The following RELCH variants were observed in gnomAD, a reference collection of about 807,000 sequenced individuals.
RELCH encodes the protein RAB11-binding protein RELCH.
RELCH carries 41 observed loss-of-function variants against 150.3 expected under a neutral mutation model. The ratio of observed to expected loss-of-function variants is 0.27; its 90% confidence interval spans 0.21 to 0.35. The LOEUF (loss-of-function observed/expected upper bound fraction) is 0.35, where lower values mean the gene tolerates loss of function less well. Among genes scored for constraint, RELCH ranks in the 10% least tolerant of loss-of-function variants. The pLI is 1.00. For synonymous variants in RELCH, 478 were observed against 531.8 expected (o/e 0.90, Z 1.39); for missense variants, 1,092 against 1,467.8 (o/e 0.74, Z 4.18).
At chr18:62,196,747 C>A (rs1420357478) in intron 1 of RELCH, among the ~76,000 whole-genome samples, 1 of 152,146 alleles carries the variant, frequency 6.6e-6, no homozygotes, top group African/African-American at 2.4e-5. Flanking sequence ...AGTATTTTTA[C>A]ATCGATATAT....
intron 11 of RELCH, among the ~76,000 whole-genome samples, chr18:62,249,134 T>C (rs568190330): frequency 3.3e-5 from 5 of 152,346 alleles, no homozygotes; most frequent in Admixed American, 3.3e-4. Flanking sequence ...TTTGTAGCTT[T>C]ATGTAATTTC....
intron 5 of RELCH, among the ~76,000 whole-genome samples, chr18:62,222,017 A>T (rs1053455381): frequency 3.9e-5 from 6 of 151,958 alleles, no homozygotes; most frequent in African/African-American, 1.4e-4. Context: ...AGCAAAAAAG[A>T]TGTCTTATTT....
intron 21 of RELCH, among the ~76,000 whole-genome samples, 171 bp downstream of exon 21, chr18:62,274,257 G>A (rs2044071018): frequency 6.6e-6 from 1 of 152,062 alleles, no homozygotes; most frequent in Non-Finnish European, 1.5e-5. Flanking sequence ...TTGCTTATTT[G>A]TTCATTCTTA....
At chr18:62,229,732 C>T (rs17062586) in intron 8 of RELCH, among the ~76,000 whole-genome samples, 15,537 of 152,048 alleles carry the variant, frequency 0.1, 938 homozygotes, top group East Asian at 0.19. Flanking sequence ...TCATCCAAGA[C>T]TTGAAGACTA....
rs181558653 is a variant in RELCH at position 62,284,545 on chromosome 18, C to T, written c.3253+2101C>T. On this transcript the variant is annotated intron_variant, in intron 25 of 28. Coordinates refer to ENST00000644646, the MANE Select transcript of RELCH (RefSeq NM_001346231.2). ...TTGTACTTACTTCCCAGTCAAGTGG[C>T]TTCTCTTTTGCTTTAGAACTTACCC... is the stretch of plus-strand genomic sequence containing the variant. Among the ~76,000 whole-genome samples, 3 of 152,212 alleles carry T rather than the reference C, an allele frequency of 2.0e-5. No homozygotes were observed. The East Asian group carries it at 5.8e-4, about 29-fold the overall frequency.
intron 26 of RELCH, among the ~76,000 whole-genome samples, chr18:62,289,258 A>C (rs1288189225): frequency 4.6e-5 from 7 of 152,232 alleles, no homozygotes; most frequent in African/African-American, 1.7e-4. Flanking sequence ...TTAGTTCTAC[A>C]TGAGTCAGAA....
intron 13 of RELCH, among the ~76,000 whole-genome samples, chr18:62,257,697 A>C (rs769146456): frequency 2.0e-5 from 3 of 152,022 alleles, no homozygotes; most frequent in Non-Finnish European, 4.4e-5. Context: ...AATTCAAAGT[A>C]GATATTACTG....
At chr18:62,291,739 T>C in intron 27 of RELCH, 108 bp downstream of exon 27, 3 of 679,180 alleles carry the variant, frequency 4.4e-6, no homozygotes, top group Non-Finnish European at 7.5e-6. Context: ...TTTTTAAATC[T>C]AGCTCAATGT....
chr18:62,262,807 CAACT>C (rs1183313796), intron 16 of RELCH, among the ~76,000 whole-genome samples: 1 of 151,920 alleles, frequency 6.6e-6, no homozygotes, highest in Non-Finnish European at 1.5e-5. Context: ...AAAGGACCAC[CAACT>C]GAGTGGCTTA....
intron 1 of RELCH, among the ~76,000 whole-genome samples, chr18:62,193,685 A>G (rs2038814288): frequency 6.6e-6 from 1 of 152,170 alleles, no homozygotes; most frequent in Non-Finnish European, 1.5e-5. Context: ...GTGTATGTTG[A>G]ACCAATCTTG....
chr18:62,190,809 A>ACCAGAT (rs1948395059), intron 1 of RELCH, among the ~76,000 whole-genome samples: 1 of 151,906 alleles, frequency 6.6e-6, no homozygotes, highest in African/African-American at 2.4e-5. Flanking sequence ...ACCTCTACCC[A>ACCAGAT]CCAGATGCCT....
chr18:62,229,523 T>G (rs906420622), intron 8 of RELCH, among the ~76,000 whole-genome samples: 1 of 146,030 alleles, frequency 6.8e-6, no homozygotes. Context: ...TGTGTGTGTC[T>G]GTCTGTCTGT....
At chr18:62,188,844 A>G (rs1225612528) in intron 1 of RELCH, among the ~76,000 whole-genome samples, 1 of 152,214 alleles carries the variant, frequency 6.6e-6, no homozygotes, top group Admixed American at 6.5e-5. Context: ...TACTGTATGT[A>G]GGATTCCCAG....
At chr18:62,255,262 G>T in intron 12 of RELCH, 145 bp from the exon 13 acceptor site, 1 of 669,868 alleles carries the variant, frequency 1.5e-6, no homozygotes, top group South Asian at 1.7e-5. Context: ...CCCGATCCAG[G>T]TATAGTCAAA....
At chr18:62,234,708 T>C (rs2041787605) in intron 10 of RELCH, among the ~76,000 whole-genome samples, 2 of 152,020 alleles carry the variant, frequency 1.3e-5, no homozygotes, top group South Asian at 4.1e-4. Flanking sequence ...TGAGCTTCTG[T>C]CACATGCAGT....
At chr18:62,256,177 A>G (rs772716864) in intron 13 of RELCH, among the ~76,000 whole-genome samples, 3 of 151,954 alleles carry the variant, frequency 2.0e-5, no homozygotes, top group Non-Finnish European at 2.9e-5. Context: ...TTTTTTTTTA[A>G]TGGGACACCA....
Position 62,187,296 on chromosome 18 carries a change from C to G in RELCH, c.-210C>G. On this transcript the variant is annotated 5_prime_UTR_variant, in exon 1 of 29. Coordinates refer to ENST00000644646, the MANE Select transcript of RELCH (RefSeq NM_001346231.2). The stretch of plus-strand genomic sequence containing the variant: ...GAGACCAGGAAGACGCCTGCAGAGC[C>G]GGGCTGCTGGTGCAGCAGAGGCTGA... 2.5e-6 allele frequency: 1 copy of G among 397,380 alleles called. No individual in the cohort carries two copies. The highest frequency in any genetic ancestry group is 4.5e-6 in the Non-Finnish European group (1 of 224,226). 24.6% of individuals were successfully genotyped at this position (397,380 alleles called of 1,614,324 possible).
Position 62,264,862 on chromosome 18 carries a change from T to A in RELCH, c.2631+10T>A. ...TTTTACAAACACTAAGGTAAAAACT[T>A]GTATTCCATGTTTTCTTATATGAAA... On this transcript the variant is annotated intron_variant, in intron 18 of 28. Transcript: ENST00000644646. The A allele has an allele frequency of 1.9e-6, 3 of 1,594,624 alleles. No homozygotes were observed. Among genetic ancestry groups the A allele is most frequent in the Non-Finnish European group, 2.6e-6 (3 of 1,170,908 alleles).
intron 26 of RELCH, among the ~76,000 whole-genome samples, chr18:62,289,378 CATCATGTT>C (rs1411063335): frequency 6.6e-6 from 1 of 152,098 alleles, no homozygotes; most frequent in Non-Finnish European, 1.5e-5. Context: ...TTTAGCCTAC[CATCATGTT>C]TTAATACAGA....
Sources: gnomAD v4.1 joint callset for allele counts (sites outside exome capture counted in the v4.1 genomes callset) on GRCh38, gnomAD v4.1.1 for gene constraint, MANE v1.5 for transcripts, NCBI Gene and HGNC (gene_info 2026-07-23, HGNC 2026-07-21) for gene names.